Variants in DOCK3 observed in about 807,000 individuals in gnomAD.
The protein encoded by DOCK3 is dedicator of cytokinesis protein 3.
In DOCK3, 60 loss-of-function variants were observed where a neutral mutation model predicts 265.6. The observed-to-expected ratio is 0.23, with a 90% CI of 0.18 to 0.28. The LOEUF is 0.28. Ranked by LOEUF, DOCK3 falls within the 10% of genes least tolerant of loss-of-function variation. The pLI is 1.00. For synonymous variants in DOCK3, 881 were observed against 938.0 expected, an observed-to-expected ratio of 0.94 and a Z score of 1.11; for missense variants, 1,981 against 2,594.3, an observed-to-expected ratio of 0.76 and a Z score of 5.14.
At chr3:51,169,304 C>T (rs1236559464) in intron 12 of DOCK3, among the ~76,000 whole-genome samples, 5 of 152,158 alleles carry the variant, frequency 3.3e-5, no homozygotes, top group Non-Finnish European at 7.3e-5. Context: ...CATTGTAGCA[C>T]TATTCACAAT....
chr3:51,372,752 T>C (rs1354316317), intron 49 of DOCK3, among the ~76,000 whole-genome samples: 1 of 152,166 alleles, frequency 6.6e-6, no homozygotes, highest in African/African-American at 2.4e-5. Flanking sequence ...TAGTCCTGTC[T>C]AGAGCTGTGG....
chr3:51,264,023 G>A (rs911872636), intron 23 of DOCK3, among the ~76,000 whole-genome samples: 1 of 152,080 alleles, frequency 6.6e-6, no homozygotes, highest in African/African-American at 2.4e-5. Flanking sequence ...AAATTGACAA[G>A]GATATTCAGA....
At chr3:51,379,715 G>T (rs1423278131) in intron 51 of DOCK3, 1 of 867,880 alleles carries the variant, frequency 1.2e-6, no homozygotes, top group African/African-American at 1.8e-5. Flanking sequence ...CCACAGGAAG[G>T]ATCCTGCTGG....
chr3:50,796,148 C>T (rs1465986916), intron 2 of DOCK3, among the ~76,000 whole-genome samples: 1 of 151,552 alleles, frequency 6.6e-6, no homozygotes, highest in Non-Finnish European at 1.5e-5. Context: ...TCACGCCATT[C>T]TCCTGCCTCA....
intron 23 of DOCK3, among the ~76,000 whole-genome samples, chr3:51,267,780 G>T (rs896903262): frequency 6.6e-6 from 1 of 152,112 alleles, no homozygotes; most frequent in Non-Finnish European, 1.5e-5. Context: ...AGAAAATGTG[G>T]CACATATACA....
At chr3:50,689,509 G>A (rs1488167210) in intron 1 of DOCK3, among the ~76,000 whole-genome samples, 1 of 152,134 alleles carries the variant, frequency 6.6e-6, no homozygotes, top group African/African-American at 2.4e-5. Flanking sequence ...CATGAGAATG[G>A]CAGCATGGGG....
At chr3:51,152,781 T>G (rs1188889670) in intron 10 of DOCK3, among the ~76,000 whole-genome samples, 1 of 152,238 alleles carries the variant, frequency 6.6e-6, no homozygotes, top group Non-Finnish European at 1.5e-5. Context: ...TGGAGTTTGC[T>G]GGAGGTCCAT....
At chr3:50,784,573 T>C (rs4423762) in intron 2 of DOCK3, among the ~76,000 whole-genome samples, 143,496 of 152,202 alleles carry the variant, frequency 0.94, 68,280 homozygotes, top group East Asian at 1. Context: ...TGATGGGAAT[T>C]GCATTAAATT....
At chr3:51,273,174 A>G (rs936019889) in intron 24 of DOCK3, among the ~76,000 whole-genome samples, 9 of 151,980 alleles carry the variant, frequency 5.9e-5, no homozygotes, top group South Asian at 2.1e-4. Flanking sequence ...AAAAAAAAAA[A>G]AAAGAAAGAA....
At chr3:50,850,550 A>G (rs948650947) in intron 3 of DOCK3, among the ~76,000 whole-genome samples, 5 of 152,090 alleles carry the variant, frequency 3.3e-5, no homozygotes, top group Non-Finnish European at 5.9e-5. Flanking sequence ...TGGTGTCACT[A>G]TATGTGTATT....
rs1490139188 is a variant in DOCK3, at chr3:50,704,349, TGTCCA to T, written c.37+29052_37+29056del. Among the ~76,000 whole-genome samples the T allele has an allele frequency of 4.6e-5, 7 of 152,344 alleles. 2 individuals are homozygous for T. The highest frequency in any genetic ancestry group is 1.7e-4 in the African/African-American group (7 of 41,584). ...TTGTTTATTTTCTCTCTAGGTGGTC[TGTCCA>T]GTGCTAAAAGTGGGTGTTAAATTCC... is the stretch of plus-strand genomic sequence containing the variant. On this transcript the variant is annotated intron_variant, in intron 1 of 52. Coordinates refer to ENST00000266037, the MANE Select transcript of DOCK3 (RefSeq NM_004947.5).
chr3:50,698,192 C>G (rs1342911117), intron 1 of DOCK3, among the ~76,000 whole-genome samples: 1 of 152,018 alleles, frequency 6.6e-6, no homozygotes. Context: ...TCTCTCTCCC[C>G]CACCCGGGCA....
At chr3:50,764,253 T>C (rs965456828) in intron 1 of DOCK3, among the ~76,000 whole-genome samples, 1 of 152,216 alleles carries the variant, frequency 6.6e-6, no homozygotes, top group African/African-American at 2.4e-5. Context: ...AAATAAATAC[T>C]ACAGAAGCTG....
rs1322175868 is a variant in DOCK3 at position 50,714,241 on chromosome 3, G to GTCT, written c.37+38943_37+38945dup. On this transcript the variant is annotated intron_variant, in intron 1 of 52. Coordinates refer to ENST00000266037, the MANE Select transcript of DOCK3 (RefSeq NM_004947.5). ...AGTGATTTTAATAAAAACAAACCAT[G>GTCT]TCTTGGCACTCCCTTTCTTAAAACC... Among the ~76,000 whole-genome samples, 3 of 152,242 alleles carry GTCT rather than the reference G, an allele frequency of 2.0e-5. No individual in the cohort carries two copies. In the East Asian group the frequency reaches 5.8e-4, roughly 29 times the overall value.
intron 3 of DOCK3, among the ~76,000 whole-genome samples, chr3:50,863,638 C>T (rs765333742): frequency 1.6e-4 from 24 of 152,208 alleles, no homozygotes; most frequent in Non-Finnish European, 3.1e-4. Flanking sequence ...GGGATTTGTC[C>T]GTTCACCAGT....
At chr3:51,157,013 T>G (rs1251345842) in intron 10 of DOCK3, among the ~76,000 whole-genome samples, 4 of 152,182 alleles carry the variant, frequency 2.6e-5, no homozygotes. Flanking sequence ...TTAATAAGTA[T>G]CAAAATATAG....
At chr3:50,993,306 G>A (rs1315567533) in intron 5 of DOCK3, among the ~76,000 whole-genome samples, 1 of 152,084 alleles carries the variant, frequency 6.6e-6, no homozygotes, top group East Asian at 1.9e-4. Flanking sequence ...TTCTTTTTCT[G>A]GGTTTTTGCC....
At chr3:51,304,302 T>A (rs192594637) in intron 27 of DOCK3, among the ~76,000 whole-genome samples, 3 of 151,910 alleles carry the variant, frequency 2.0e-5, no homozygotes, top group African/African-American at 7.2e-5. Flanking sequence ...GCTGCCCCTC[T>A]CCCAGTGAGC....
chr3:50,989,653 G>A (rs2078036101), intron 5 of DOCK3, among the ~76,000 whole-genome samples: 1 of 147,154 alleles, frequency 6.8e-6, no homozygotes, highest in Admixed American at 6.8e-5. Flanking sequence ...TCTATTGACT[G>A]TACTCAATCT....
Sources: gnomAD v4.1 joint callset for allele counts (sites outside exome capture counted in the v4.1 genomes callset) on GRCh38, gnomAD v4.1.1 for gene constraint, MANE v1.5 for transcripts, NCBI Gene and HGNC (gene_info 2026-07-23, HGNC 2026-07-21) for gene names.